Variants in PLD5 observed in about 807,000 individuals in gnomAD.
PLD5 encodes the protein inactive phospholipase D5.
A neutral mutation model predicts 61.1 loss-of-function variants in PLD5; 36 were observed. The ratio of observed to expected loss-of-function variants is 0.59; its 90% confidence interval spans 0.45 to 0.78. The LOEUF is 0.78. PLD5 is among the 30% of genes least tolerant of loss of function. The pLI is 0.00. For synonymous variants in PLD5, 243 were observed against 242.8 expected (o/e 1.00, Z -0.01); for missense variants, 515 against 644.4 (o/e 0.80, Z 2.17).
intron 5 of PLD5, among the ~76,000 whole-genome samples, chr1:242,167,177 A>T (rs180991280): frequency 2.0e-3 from 311 of 151,964 alleles, no homozygotes; most frequent in African/African-American, 7.1e-3. Flanking sequence ...AGTGACTGTG[A>T]TAGCAGCATT....
Position 242,352,442 on chromosome 1 carries a change from A to C in PLD5, c.190-4200T>G, listed in dbSNP as rs139606313. ...ATACATTCCATATTTTCAAAACTCC[A>C]TTCATCTGTTGATGGGCACTTAGGT... On this transcript the variant is annotated intron_variant, in intron 1 of 9. Coordinates refer to ENST00000536534, the MANE Select transcript of PLD5 (RefSeq NM_001372062.1). Among the ~76,000 whole-genome samples, 1,377 of 152,284 alleles carry C rather than the reference A, an allele frequency of 9.0e-3. 21 individuals are homozygous for C. Among genetic ancestry groups the C allele is most frequent in the African/African-American group, 0.032 (1,322 of 41,550 alleles).
At chr1:242,298,199 A>G (rs1488085593) in intron 2 of PLD5, among the ~76,000 whole-genome samples, 3 of 152,336 alleles carry the variant, frequency 2.0e-5, no homozygotes, top group South Asian at 2.1e-4. Flanking sequence ...TGCTGTTTCT[A>G]TAATTCTAGA....
intron 1 of PLD5, among the ~76,000 whole-genome samples, chr1:242,416,081 G>A (rs1664819980): frequency 6.6e-6 from 1 of 151,704 alleles, no homozygotes. Context: ...CTGTATTGTT[G>A]GTGGCAGTAT....
In PLD5 at chr1:242,124,446, G is replaced by C. The variant is rs375910427; in HGVS notation, c.933+22C>G. 3.1e-6 allele frequency: 5 copies of C among 1,604,210 alleles called. No individual in the cohort carries two copies. In the African/African-American group the frequency reaches 6.7e-5, roughly 22 times the overall value. On this transcript the variant is annotated intron_variant, in intron 6 of 9. Transcript: ENST00000536534. ...CTTTGGAGGAAGAAGGAGAAGGGGA[G>C]GAGAAAGGGAAAACAACTCACCGAT...
Position 242,086,587 on chromosome 1 carries a change from G to C in PLD5, c.*3267C>G, listed in dbSNP as rs1182420556. Reference sequence around the variant, plus strand: ...TGTGTGCAATGATTTGATTTGGCGGGGGGGTGGATAAAGGTGATGGGGCTT... The same window carrying C: ...TGTGTGCAATGATTTGATTTGGCGGCGGGGTGGATAAAGGTGATGGGGCTT... On this transcript the variant is annotated 3_prime_UTR_variant, in exon 10 of 10. Transcript: ENST00000536534. 2.6e-5 allele frequency: 4 copies of C among 152,162 alleles called. No individual in the cohort carries two copies. The highest frequency in any genetic ancestry group is 7.2e-5 in the African/African-American group (3 of 41,406). The allele number at this position is 152,162 out of a possible 1,614,324, so 9.4% of individuals were successfully genotyped here. A position where few individuals can be genotyped will look rare whatever the true frequency, so the allele number is the denominator to read the frequency against.
In PLD5 at chr1:242,256,015, T is replaced by C. The variant is rs1672990609; in HGVS notation, c.607+9322A>G. Among the ~76,000 whole-genome samples, 1 of 152,246 alleles carries C rather than the reference T, an allele frequency of 6.6e-6. No homozygotes were observed. The highest frequency in any genetic ancestry group is 2.1e-4 in the South Asian group (1 of 4,832). On this transcript the variant is annotated intron_variant, in intron 4 of 9. Transcript: ENST00000536534. The surrounding 1 kb of genome is among the most constrained non-coding windows in gnomAD (Gnocchi z 5.7). ...TGACCTAAAGATGCCCAGCCAGGGC[T>C]TATTAGGTCCCTGTGGCTATTGGTT... is the stretch of plus-strand genomic sequence containing the variant.
intron 5 of PLD5, among the ~76,000 whole-genome samples, chr1:242,151,266 C>A (rs1011423005): frequency 6.6e-6 from 1 of 151,720 alleles, no homozygotes; most frequent in Non-Finnish European, 1.5e-5. Flanking sequence ...AACATTCAAG[C>A]TTCTTTCTGT....
intron 7 of PLD5, among the ~76,000 whole-genome samples, chr1:242,111,751 C>T (rs770648084): frequency 2.0e-4 from 30 of 151,896 alleles, no homozygotes; most frequent in South Asian, 8.3e-4. Flanking sequence ...GATGCTTGGA[C>T]GACTACTTAT....
intron 2 of PLD5, among the ~76,000 whole-genome samples, chr1:242,316,244 T>C (rs1574718742): frequency 6.6e-6 from 1 of 152,312 alleles, no homozygotes; most frequent in East Asian, 1.9e-4. Context: ...ACGCATAAAA[T>C]GAGTGCCCAT....
At chr1:242,217,352 G>A (rs1670280277) in intron 5 of PLD5, among the ~76,000 whole-genome samples, 1 of 152,212 alleles carries the variant, frequency 6.6e-6, no homozygotes, top group Admixed American at 6.5e-5. Flanking sequence ...GCCAGGCACG[G>A]TGGCTCACAC....
chr1:242,515,565 CT>C (rs1669078688), intron 1 of PLD5, among the ~76,000 whole-genome samples: 2 of 152,214 alleles, frequency 1.3e-5, no homozygotes, highest in African/African-American at 4.8e-5. Context: ...TGTCTGTCTT[CT>C]TTCGTTCATT....
chr1:242,271,154 A>C (rs1419786684), intron 3 of PLD5, among the ~76,000 whole-genome samples: 1 of 150,498 alleles, frequency 6.6e-6, no homozygotes, highest in Non-Finnish European at 1.5e-5. Context: ...AATGCAAGAA[A>C]TATCTCAAAG....
intron 1 of PLD5, among the ~76,000 whole-genome samples, chr1:242,359,132 T>C (rs1660926493): frequency 6.6e-6 from 1 of 152,150 alleles, no homozygotes; most frequent in Non-Finnish European, 1.5e-5. Context: ...TTCATCAAGA[T>C]CTACCCACTG....
intron 8 of PLD5, among the ~76,000 whole-genome samples, chr1:242,104,424 G>A (rs1256271106): frequency 6.6e-6 from 1 of 151,742 alleles, no homozygotes; most frequent in African/African-American, 2.4e-5. Flanking sequence ...GTGAGCCACT[G>A]CACCTTGGTG....
intron 4 of PLD5, among the ~76,000 whole-genome samples, chr1:242,225,111 C>T (rs924639911): frequency 1.7e-4 from 26 of 152,152 alleles, no homozygotes; most frequent in African/African-American, 6.3e-4. Context: ...GCATAATGCA[C>T]GTGAGACCCA....
At chr1:242,134,392 T>G (rs1020017) in intron 5 of PLD5, among the ~76,000 whole-genome samples, 100,064 of 151,138 alleles carry the variant, frequency 0.66, 33,499 homozygotes, top group African/African-American at 0.75. Context: ...TCAGTTTTTT[T>G]TTTTTTTTAA....
chr1:242,486,431 A>G (rs1667963365), intron 1 of PLD5, among the ~76,000 whole-genome samples: 2 of 152,178 alleles, frequency 1.3e-5, no homozygotes, highest in African/African-American at 2.4e-5. Flanking sequence ...AAAAGAAGAC[A>G]TTTATGCAGC....
chr1:242,375,387 G>T (rs988276436), intron 1 of PLD5, among the ~76,000 whole-genome samples: 2 of 152,194 alleles, frequency 1.3e-5, no homozygotes. Flanking sequence ...CTCTGCAAGG[G>T]CATCAAATTG....
intron 8 of PLD5, among the ~76,000 whole-genome samples, chr1:242,105,589 TTATAAATGA>T (rs1350702291): frequency 2.6e-5 from 4 of 152,230 alleles, no homozygotes; most frequent in South Asian, 4.1e-4. Context: ...AAGGGCTAGT[TTATAAATGA>T]TATAAATGAT....
Sources: allele counts gnomAD v4.1 joint callset (sites outside exome capture counted in the v4.1 genomes callset), GRCh38; gene constraint gnomAD v4.1.1; non-coding constraint Gnocchi (gnomAD v3.1); transcripts MANE v1.5; gene names NCBI Gene and HGNC (gene_info 2026-07-23, HGNC 2026-07-21).